SRSF4: variants seen among roughly 807,000 people sequenced by gnomAD.
The protein encoded by SRSF4 is serine/arginine-rich splicing factor 4.
SRSF4 carries 12 observed loss-of-function variants against 48.8 expected under a neutral mutation model. The observed-to-expected ratio is 0.25, with a 90% CI of 0.16 to 0.40. The LOEUF (loss-of-function observed/expected upper bound fraction) is 0.40. SRSF4 is among the 10% of genes least tolerant of loss of function. The probability of loss-of-function intolerance (pLI) is 1.00; values close to 1 mark genes in which losing one functional copy is unlikely to be tolerated. For missense variants in SRSF4, 466 were observed against 667.1 expected (o/e 0.70, Z 3.32); for synonymous variants, 248 against 232.5 (o/e 1.07, Z -0.61).
chr1:29,172,713 T>C lies in SRSF4; in HGVS notation c.107+8933A>G, dbSNP rs574183906. ...TGGAAAGTTATTTGGTTATATGCACTGAGATACTTGAATATGTTCACTCCT... is the reference window on the plus strand; with the variant it reads ...TGGAAAGTTATTTGGTTATATGCACCGAGATACTTGAATATGTTCACTCCT... On this transcript the variant is annotated intron_variant, in intron 1 of 5. Coordinates refer to ENST00000373795, the MANE Select transcript of SRSF4 (RefSeq NM_005626.5). 5 of 152,356 alleles carry C rather than the reference T, an allele frequency of 3.3e-5. No homozygotes were observed. The East Asian group carries it at 9.6e-4, about 29-fold the overall frequency. 9.4% of individuals were successfully genotyped at this position (152,356 alleles called of 1,614,324 possible). A position where few individuals can be genotyped will look rare whatever the true frequency, so the allele number is the denominator to read the frequency against.
intron 1 of SRSF4, chr1:29,171,490 AC>A (rs1271982267): frequency 6.6e-6 from 1 of 151,026 alleles, no homozygotes; most frequent in African/African-American, 2.4e-5. Flanking sequence ...TCACCTTATC[AC>A]CCCATGCCTC....
rs1238342299 is a variant in SRSF4, at chr1:29,160,277, C to T, written c.250+98G>A. 2.4e-5 allele frequency: 32 copies of T among 1,344,260 alleles called. No individual in the cohort carries two copies. In the East Asian group the frequency reaches 6.1e-4, roughly 26 times the overall value. 83.3% of individuals were successfully genotyped at this position (1,344,260 alleles called of 1,614,324 possible). A position where few individuals can be genotyped will look rare whatever the true frequency, so the allele number is the denominator to read the frequency against. Reference sequence around the variant, plus strand: ...TACATAATTTACAAAATAGCTTAAACATCAATACGTTTAAATGTAATATCA... The same window carrying T: ...TACATAATTTACAAAATAGCTTAAATATCAATACGTTTAAATGTAATATCA... On this transcript the variant is annotated intron_variant, in intron 2 of 5. Coordinates refer to ENST00000373795, the MANE Select transcript of SRSF4 (RefSeq NM_005626.5).
At chr1:29,172,016 T>C (rs1441910189) in intron 1 of SRSF4, 3 of 152,104 alleles carry the variant, frequency 2.0e-5, no homozygotes, top group African/African-American at 7.2e-5. Context: ...TGGTCAAAAA[T>C]CTCAATATGG....
Position 29,148,144 on chromosome 1 carries a change from C to T in SRSF4, c.*266G>A, listed in dbSNP as rs1272541928. ...GAGCTCCCTGTAGGAAAGGCCAGGC[C>T]TGAAAGCCAAGGCGTTTTGGATATT... On this transcript the variant is annotated 3_prime_UTR_variant, in exon 6 of 6. Transcript: ENST00000373795. The T allele has an allele frequency of 1.6e-6, 1 of 606,168 alleles. No homozygotes were observed. Among genetic ancestry groups the T allele is most frequent in the South Asian group, 1.5e-5 (1 of 65,904 alleles). 37.5% of individuals were successfully genotyped at this position (606,168 alleles called of 1,614,324 possible).
chr1:29,162,586 A>C (rs1342537220), intron 1 of SRSF4, among the ~76,000 whole-genome samples: 2 of 152,238 alleles, frequency 1.3e-5, no homozygotes, highest in African/African-American at 4.8e-5. Context: ...TGTCCACAGC[A>C]TCACTGCTTT....
chr1:29,165,048 A>AC (rs888999034), intron 1 of SRSF4, among the ~76,000 whole-genome samples: 4 of 152,128 alleles, frequency 2.6e-5, no homozygotes, highest in African/African-American at 9.7e-5. Flanking sequence ...CCCAAAAAAA[A>AC]CCCTGAAATC....
chr1:29,149,325 T>C (rs1672366000), intron 5 of SRSF4, 99 bp from the exon 6 acceptor site: 2 of 1,364,782 alleles, frequency 1.5e-6, no homozygotes, highest in Non-Finnish European at 2.0e-6. Flanking sequence ...CACCCCCCAA[T>C]ATAAAGCATG....
At chr1:29,181,587 C>A in intron 1 of SRSF4, 59 bp downstream of exon 1, 2 of 1,410,094 alleles carry the variant, frequency 1.4e-6, no homozygotes, top group Non-Finnish European at 9.6e-7. Flanking sequence ...TCCCCGCGGC[C>A]TCCCCACCAC....
intron 4 of SRSF4, among the ~76,000 whole-genome samples, chr1:29,151,593 C>T (rs190569240): frequency 2.9e-4 from 44 of 152,282 alleles, no homozygotes; most frequent in Non-Finnish European, 5.7e-4. Context: ...CCTAAAAACC[C>T]CTTGTACTAC....
chr1:29,155,379 C>T (rs1360696061), intron 3 of SRSF4, among the ~76,000 whole-genome samples: 1 of 151,874 alleles, frequency 6.6e-6, no homozygotes, highest in South Asian at 2.1e-4. Context: ...TGCAGTGAGC[C>T]GTGATCATGC....
intron 3 of SRSF4, among the ~76,000 whole-genome samples, chr1:29,156,398 ATTTGT>A (rs1672500637): frequency 6.6e-6 from 1 of 151,956 alleles, no homozygotes; most frequent in Non-Finnish European, 1.5e-5. Context: ...ATATCCCCTA[ATTTGT>A]TTTATTTTTG....
intron 4 of SRSF4, among the ~76,000 whole-genome samples, chr1:29,151,615 AG>A (rs1404140848): frequency 2.0e-5 from 3 of 152,254 alleles, no homozygotes; most frequent in Admixed American, 2.0e-4. Flanking sequence ...TGACTGGATT[AG>A]ATCCCGGTTA....
Position 29,149,190 on chromosome 1 carries a change from C to T in SRSF4, c.705G>A (p.Arg235=), listed in dbSNP as rs1350678371. ...TCTTGCTCCGGCTCCGACTCTGGCT[C>T]CGGCTCCGGCTCTTGCTCCGGGAGC... ...GSRSRSKSRS[R]SQSRSRSKKE... is the part of the protein sequence containing the mutation. The change falls in exon 6 of 6, where the codon CGG becomes CGA. Residue 235 remains arginine, a synonymous_variant. Coordinates refer to ENST00000373795, the MANE Select transcript of SRSF4 (RefSeq NM_005626.5). 1 of 1,609,342 alleles carries T rather than the reference C, an allele frequency of 6.2e-7. No homozygotes were observed. Among genetic ancestry groups the T allele is most frequent in the Non-Finnish European group, 8.5e-7 (1 of 1,179,314 alleles).
chr1:29,157,280 G>T (rs1427249415), intron 3 of SRSF4, among the ~76,000 whole-genome samples: 9 of 151,986 alleles, frequency 5.9e-5, no homozygotes, highest in Admixed American at 4.6e-4. Context: ...AGTTTATACA[G>T]GCACCCCATA....
intron 1 of SRSF4, among the ~76,000 whole-genome samples, chr1:29,162,905 G>A (rs1038378461): frequency 1.4e-4 from 21 of 152,268 alleles, no homozygotes; most frequent in African/African-American, 5.1e-4. Flanking sequence ...CCCAGTGGCC[G>A]CTGATGGCAA....
intron 1 of SRSF4, among the ~76,000 whole-genome samples, chr1:29,162,136 AG>A (rs1475226674): frequency 6.6e-6 from 1 of 152,220 alleles, no homozygotes; most frequent in Non-Finnish European, 1.5e-5. Flanking sequence ...GTTATTTAAC[AG>A]GAAGTGCCTT....
chr1:29,151,688 G>C (rs1004738248), intron 4 of SRSF4, among the ~76,000 whole-genome samples: 1 of 152,184 alleles, frequency 6.6e-6, no homozygotes, highest in African/African-American at 2.4e-5. Flanking sequence ...TATGGCCTGG[G>C]CATTTAGTAA....
chr1:29,156,657 ATCTATTACTCTCGTTTCCTGAGAG>A (rs1672504120), intron 3 of SRSF4, among the ~76,000 whole-genome samples: 1 of 152,130 alleles, frequency 6.6e-6, no homozygotes, highest in African/African-American at 2.4e-5. Flanking sequence ...CTGCTCAATT[ATCTATTACTCTCGTTTCCTGAGAG>A]TGGAACTGCC....
intron 1 of SRSF4, among the ~76,000 whole-genome samples, chr1:29,180,787 C>T (rs1363819557): frequency 6.6e-6 from 1 of 152,210 alleles, no homozygotes; most frequent in Non-Finnish European, 1.5e-5. Flanking sequence ...ACCTGTAGCT[C>T]ATGCTGGCAC....
Sources: gnomAD v4.1 joint callset for allele counts (sites outside exome capture counted in the v4.1 genomes callset) on GRCh38, gnomAD v4.1.1 for gene constraint, MANE v1.5 for transcripts, NCBI Gene and HGNC (gene_info 2026-07-23, HGNC 2026-07-21) for gene names.